Variants in SORCS2 observed in about 807,000 individuals in gnomAD.
SORCS2 encodes the protein sortilin related VPS10 domain containing receptor 2.
Under a neutral mutation model 141.6 loss-of-function variants are expected in SORCS2, and 100 were observed. The ratio of observed to expected loss-of-function variants is 0.71; its 90% CI spans 0.60 to 0.83. SORCS2 has a LOEUF of 0.83. Among genes scored for constraint, SORCS2 ranks in the 40% least tolerant of loss-of-function variants. The probability of loss-of-function intolerance (pLI) is 0.00; values close to 1 mark genes in which losing one functional copy is unlikely to be tolerated. For synonymous variants in SORCS2, 789 were observed against 676.9 expected, an observed-to-expected ratio of 1.17 and a Z score of -2.57; for missense variants, 1,646 against 1,560.2, an observed-to-expected ratio of 1.05 and a Z score of -0.93.
chr4:7,371,326 A>G (rs1229464175), intron 1 of SORCS2, among the ~76,000 whole-genome samples: 1 of 152,006 alleles, frequency 6.6e-6, no homozygotes, highest in Non-Finnish European at 1.5e-5. Context: ...AGCACATCTG[A>G]AGTGACGCTG....
intron 1 of SORCS2, among the ~76,000 whole-genome samples, chr4:7,282,753 ACCGCGAGG>A: frequency 6.6e-6 from 1 of 152,242 alleles, no homozygotes; most frequent in Admixed American, 6.5e-5. Context: ...TGATAGTCTC[ACCGCGAGG>A]CTCAGCCAGC....
At chr4:7,320,809 C>A (rs563021212) in intron 1 of SORCS2, among the ~76,000 whole-genome samples, 1 of 152,156 alleles carries the variant, frequency 6.6e-6, no homozygotes, top group Non-Finnish European at 1.5e-5. Flanking sequence ...CATTCACACT[C>A]GCTCAGTTCA....
At chr4:7,199,735 A>G (rs1192110902) in intron 1 of SORCS2, among the ~76,000 whole-genome samples, 1 of 152,044 alleles carries the variant, frequency 6.6e-6, no homozygotes. Flanking sequence ...TTCTCATCCA[A>G]GTTCAACAGA....
intron 18 of SORCS2, among the ~76,000 whole-genome samples, chr4:7,719,147 C>A (rs1726405959): frequency 6.6e-6 from 1 of 152,214 alleles, no homozygotes; most frequent in Non-Finnish European, 1.5e-5. Context: ...GCAGCTAGTG[C>A]GGCTTCACAG....
chr4:7,439,777 C>G (rs1727540823), intron 2 of SORCS2, among the ~76,000 whole-genome samples: 1 of 152,162 alleles, frequency 6.6e-6, no homozygotes, highest in Non-Finnish European at 1.5e-5. Context: ...CTTTCTCACA[C>G]TCTATTTATC....
chr4:7,450,230 A>G (rs1728351197), intron 2 of SORCS2, among the ~76,000 whole-genome samples: 1 of 152,194 alleles, frequency 6.6e-6, no homozygotes, highest in South Asian at 2.1e-4. Context: ...TCTGTGACTC[A>G]TGAGCTCTGC....
Position 7,508,224 on chromosome 4 carries a change from G to A in SORCS2, c.549-23306G>A, listed in dbSNP as rs571450033. 1.1e-4 allele frequency among the ~76,000 whole-genome samples: 16 copies of A among 146,964 alleles called. 1 individual carries two copies. The South Asian group carries it at 3.6e-3, about 34-fold the overall frequency. ...GGGGGAGAAGGAGGGAGGGAAGGGG[G>A]TGAGGAGGGATGAAGGTCAGGAGGG... On this transcript the variant is annotated intron_variant, in intron 2 of 26. Coordinates refer to ENST00000507866, the MANE Select transcript of SORCS2 (RefSeq NM_020777.3).
At chr4:7,706,067 T>G (rs1294353722) in intron 14 of SORCS2, among the ~76,000 whole-genome samples, 1 of 145,522 alleles carries the variant, frequency 6.9e-6, no homozygotes, top group Non-Finnish European at 1.5e-5. Flanking sequence ...TGGGCAGGGA[T>G]GAGGCTGGGC....
intron 2 of SORCS2, among the ~76,000 whole-genome samples, chr4:7,465,892 TC>T (rs1436234500): frequency 6.6e-6 from 1 of 152,106 alleles, no homozygotes; most frequent in Non-Finnish European, 1.5e-5. Flanking sequence ...CTCTCATCAT[TC>T]CCGTTTTGCA....
In SORCS2 at chr4:7,267,293, A is replaced by G. The variant is rs187161051; in HGVS notation, c.480+74167A>G. Among the ~76,000 whole-genome samples the G allele has an allele frequency of 3.9e-5, 6 of 152,258 alleles. No individual in the cohort carries two copies. The East Asian group carries it at 7.7e-4, about 20-fold the overall frequency. The stretch of plus-strand genomic sequence containing the variant: ...TTAAATTCGTGGATGCTGATTTTCA[A>G]TTCTTAGCACAAAACACCTGCTTAC... On this transcript the variant is annotated intron_variant, in intron 1 of 26. Coordinates refer to ENST00000507866, the MANE Select transcript of SORCS2 (RefSeq NM_020777.3).
chr4:7,424,567 G>C (rs1256106491), intron 2 of SORCS2, among the ~76,000 whole-genome samples: 2 of 152,170 alleles, frequency 1.3e-5, no homozygotes, highest in African/African-American at 4.8e-5. Flanking sequence ...GTGGGTAACA[G>C]AGCCCTCCTC....
At chr4:7,641,524 C>A (rs1720726503) in intron 4 of SORCS2, among the ~76,000 whole-genome samples, 1 of 152,220 alleles carries the variant, frequency 6.6e-6, no homozygotes, top group African/African-American at 2.4e-5. Flanking sequence ...GAACACAGAG[C>A]CAAACCATGT....
Position 7,389,743 on chromosome 4 carries a change from C to T in SORCS2, c.481-6545C>T, listed in dbSNP as rs139949191. Among the ~76,000 whole-genome samples, 752 of 152,182 alleles carry T rather than the reference C, an allele frequency of 4.9e-3. 9 individuals carry two copies. The highest frequency in any genetic ancestry group is 0.017 in the African/African-American group (698 of 41,514). On this transcript the variant is annotated intron_variant, in intron 1 of 26. Coordinates refer to ENST00000507866, the MANE Select transcript of SORCS2 (RefSeq NM_020777.3). The stretch of plus-strand genomic sequence containing the variant: ...AGAAGTGAGAAAGGGGAGAGCATAG[C>T]GATCCAAGTATGCAAATGCCTGCGG...
intron 3 of SORCS2, among the ~76,000 whole-genome samples, chr4:7,581,405 T>C (rs561927959): frequency 6.6e-6 from 1 of 152,328 alleles, no homozygotes; most frequent in African/African-American, 2.4e-5. Flanking sequence ...ATTCATCTTA[T>C]TGCATATATT....
chr4:7,693,728 TG>T (rs1456491983), intron 11 of SORCS2, among the ~76,000 whole-genome samples: 3 of 152,238 alleles, frequency 2.0e-5, no homozygotes, highest in Non-Finnish European at 4.4e-5. Flanking sequence ...CCTGTGCTGC[TG>T]GCTTGACTCA....
At chr4:7,692,179 G>C (rs1368936799) in intron 11 of SORCS2, among the ~76,000 whole-genome samples, 1 of 152,208 alleles carries the variant, frequency 6.6e-6, no homozygotes, top group East Asian at 1.9e-4. Context: ...AAGGCGCGTG[G>C]GCTGGCTTCA....
intron 2 of SORCS2, among the ~76,000 whole-genome samples, chr4:7,503,634 G>A (rs1412033497): frequency 6.6e-6 from 1 of 152,170 alleles, no homozygotes; most frequent in Non-Finnish European, 1.5e-5. Context: ...GCAGGGAGAG[G>A]CACAGGTGCA....
chr4:7,655,510 C>T (rs1461662937), intron 5 of SORCS2, among the ~76,000 whole-genome samples: 1 of 152,260 alleles, frequency 6.6e-6, no homozygotes. Context: ...GTCACGCTGA[C>T]CGTGGCAGGA....
intron 3 of SORCS2, among the ~76,000 whole-genome samples, chr4:7,548,205 C>T (rs928347465): frequency 3.9e-5 from 6 of 152,282 alleles, no homozygotes; most frequent in East Asian, 3.9e-4. Context: ...TGACCCCCAT[C>T]GCCAGCAAAG....
Sources: allele counts gnomAD v4.1 joint callset (sites outside exome capture counted in the v4.1 genomes callset), GRCh38; gene constraint gnomAD v4.1.1; transcripts MANE v1.5; gene names NCBI Gene and HGNC (gene_info 2026-07-23, HGNC 2026-07-21).